The following KCNH1 variants were observed in gnomAD, a reference collection of about 807,000 sequenced individuals.
KCNH1 encodes potassium voltage-gated channel subfamily H member 1, also known as voltage-gated delayed rectifier potassium channel KCNH1.
Under a neutral mutation model 69.2 loss-of-function variants are expected in KCNH1, and 27 were observed. The ratio of observed to expected loss-of-function variants is 0.39; its 90% CI spans 0.29 to 0.54. The LOEUF is 0.54. Ranked by LOEUF, KCNH1 falls within the 20% of genes least tolerant of loss-of-function variation. The probability of loss-of-function intolerance (pLI) is 0.68; values close to 1 mark genes in which losing one functional copy is unlikely to be tolerated. For synonymous variants in KCNH1, 456 were observed against 487.7 expected, an observed-to-expected ratio of 0.93 and a Z score of 0.86; for missense variants, 798 against 1,261.6, an observed-to-expected ratio of 0.63 and a Z score of 5.57.
At chr1:210,834,235 C>T (rs1410880068) in intron 7 of KCNH1, among the ~76,000 whole-genome samples, 7 of 151,286 alleles carry the variant, frequency 4.6e-5, no homozygotes, top group Non-Finnish European at 2.9e-5. Context: ...CACATGCACA[C>T]GTATGTTTAT....
At chr1:210,686,292 A>C (rs1323801441) in intron 10 of KCNH1, among the ~76,000 whole-genome samples, 1 of 152,104 alleles carries the variant, frequency 6.6e-6, no homozygotes, top group Non-Finnish European at 1.5e-5. Flanking sequence ...CTGTTCTGGG[A>C]ATGGCCTCTG....
chr1:210,907,873 AC>A (rs1687148342), intron 7 of KCNH1, among the ~76,000 whole-genome samples: 1 of 152,124 alleles, frequency 6.6e-6, no homozygotes, highest in Admixed American at 6.5e-5. Context: ...CATTACTTTT[AC>A]CCCTTAAGCC....
chr1:210,850,326 A>AT (rs1685671760), intron 7 of KCNH1, among the ~76,000 whole-genome samples: 1 of 151,950 alleles, frequency 6.6e-6, no homozygotes, highest in Admixed American at 6.6e-5. Context: ...GGTGAAACCC[A>AT]GTCTCTACTG....
intron 5 of KCNH1, among the ~76,000 whole-genome samples, chr1:211,078,933 A>G (rs1303579663): frequency 3.3e-5 from 5 of 150,526 alleles, no homozygotes; most frequent in Non-Finnish European, 7.4e-5. Context: ...AAAAAAAAAA[A>G]AAAAGAAAGA....
intron 9 of KCNH1, among the ~76,000 whole-genome samples, chr1:210,794,996 T>C (rs1256713884): frequency 6.6e-6 from 1 of 152,224 alleles, no homozygotes; most frequent in African/African-American, 2.4e-5. Flanking sequence ...ATCTCACTTC[T>C]CTGTGATAAG....
intron 6 of KCNH1, among the ~76,000 whole-genome samples, chr1:210,992,373 A>G (rs1688953148): frequency 6.6e-6 from 1 of 152,192 alleles, no homozygotes. Context: ...TTTCTTGCAG[A>G]CCTAGCTCAA....
intron 7 of KCNH1, among the ~76,000 whole-genome samples, chr1:210,846,371 C>T (rs1338417562): frequency 6.6e-6 from 1 of 151,876 alleles, no homozygotes; most frequent in East Asian, 1.9e-4. Context: ...GGTACTGGTA[C>T]CAAAACAGAG....
intron 7 of KCNH1, among the ~76,000 whole-genome samples, chr1:210,869,674 T>G (rs1370465521): frequency 6.6e-6 from 1 of 152,128 alleles, no homozygotes; most frequent in Non-Finnish European, 1.5e-5. Flanking sequence ...GATCCTTTTT[T>G]AGGCTTTATT....
At chr1:210,870,820 C>G (rs553640563) in intron 7 of KCNH1, among the ~76,000 whole-genome samples, 26 of 152,230 alleles carry the variant, frequency 1.7e-4, no homozygotes, top group Non-Finnish European at 3.1e-4. Flanking sequence ...AGCTCCAATA[C>G]AATTCATAGA....
intron 10 of KCNH1, among the ~76,000 whole-genome samples, chr1:210,698,196 G>C (rs1392089382): frequency 6.6e-6 from 1 of 152,184 alleles, no homozygotes; most frequent in Non-Finnish European, 1.5e-5. Context: ...AAGCTACCCA[G>C]CCCACAGACT....
chr1:210,789,544 A>G (rs530639118), intron 9 of KCNH1, among the ~76,000 whole-genome samples: 5 of 152,348 alleles, frequency 3.3e-5, no homozygotes, highest in Admixed American at 1.3e-4. Context: ...ATTCTTCTAA[A>G]TTATATCCTA....
intron 6 of KCNH1, among the ~76,000 whole-genome samples, chr1:210,935,089 G>A (rs1414981435): frequency 1.3e-5 from 2 of 148,160 alleles, no homozygotes; most frequent in African/African-American, 2.5e-5. Flanking sequence ...TTACCTTAGT[G>A]TCATCAACAG....
intron 7 of KCNH1, among the ~76,000 whole-genome samples, chr1:210,874,506 G>T (rs999391852): frequency 1.3e-5 from 2 of 152,098 alleles, no homozygotes; most frequent in African/African-American, 4.8e-5. Context: ...AGGTCTCATG[G>T]AAACATGAAC....
rs569178212 is a variant in KCNH1 at position 210,902,524 on chromosome 1, A to T, written c.1462+17116T>A. 6.8e-4 allele frequency among the ~76,000 whole-genome samples: 103 copies of T among 152,318 alleles called. 1 individual carries two copies. The highest frequency in any genetic ancestry group is 6.7e-3 in the Admixed American group (103 of 15,306). On this transcript the variant is annotated intron_variant, in intron 7 of 10. Transcript: ENST00000271751. ...AGTCTTGGCTTCAGGAGATGTGCCC[A>T]TTCATCATTGCTGCCGGGCAGCCCG...
chr1:210,760,295 A>G (rs1177357820), intron 10 of KCNH1, among the ~76,000 whole-genome samples: 1 of 152,198 alleles, frequency 6.6e-6, no homozygotes, highest in East Asian at 1.9e-4. Context: ...ATACTATAAT[A>G]TGACCCTTTC....
At chr1:211,100,947 T>C (rs1247831739) in intron 3 of KCNH1, among the ~76,000 whole-genome samples, 1 of 152,196 alleles carries the variant, frequency 6.6e-6, no homozygotes, top group Non-Finnish European at 1.5e-5. Flanking sequence ...TAAGAAGCAT[T>C]GGTTTGTGTC....
intron 6 of KCNH1, among the ~76,000 whole-genome samples, chr1:210,942,192 CT>C (rs1687888967): frequency 6.6e-6 from 1 of 152,154 alleles, no homozygotes; most frequent in Non-Finnish European, 1.5e-5. Context: ...ATAACCAAAA[CT>C]TTTGAGAATA....
intron 6 of KCNH1, among the ~76,000 whole-genome samples, chr1:210,992,568 G>A (rs1485604819): frequency 1.3e-5 from 2 of 151,974 alleles, no homozygotes; most frequent in Admixed American, 6.6e-5. Flanking sequence ...AGTTCTAGTG[G>A]CTGCTTTTTT....
intron 9 of KCNH1, among the ~76,000 whole-genome samples, chr1:210,781,798 G>T (rs1362357760): frequency 6.6e-6 from 1 of 152,182 alleles, no homozygotes; most frequent in Non-Finnish European, 1.5e-5. Context: ...CGTTTTCCAA[G>T]AACTTGATCA....
Sources: gnomAD v4.1 joint callset for allele counts (sites outside exome capture counted in the v4.1 genomes callset) on GRCh38, gnomAD v4.1.1 for gene constraint, MANE v1.5 for transcripts, NCBI Gene and HGNC (gene_info 2026-07-23, HGNC 2026-07-21) for gene names.